DCC: variants seen among roughly 807,000 people sequenced by gnomAD.
The protein encoded by DCC is netrin receptor DCC.
DCC carries 58 observed loss-of-function variants against 172.5 expected under a neutral mutation model. The observed-to-expected ratio is 0.34, with a 90% confidence interval of 0.27 to 0.42. The LOEUF (loss-of-function observed/expected upper bound fraction) is 0.42, where lower values mean the gene tolerates loss of function less well. Among genes scored for constraint, DCC ranks in the 10% least tolerant of loss-of-function variants. The probability of loss-of-function intolerance (pLI) is 1.00; values close to 1 mark genes in which losing one functional copy is unlikely to be tolerated. For synonymous variants in DCC, 709 were observed against 644.5 expected (o/e 1.10, Z -1.52); for missense variants, 1,740 against 1,791.0 (o/e 0.97, Z 0.51).
intron 2 of DCC, among the ~76,000 whole-genome samples, chr18:52,811,431 G>A (rs2038196680): frequency 6.6e-6 from 1 of 152,128 alleles, no homozygotes; most frequent in South Asian, 2.1e-4. Flanking sequence ...ATGCTCAATA[G>A]CATTCGCTTG....
intron 25 of DCC, among the ~76,000 whole-genome samples, chr18:53,473,334 A>G (rs146255961): frequency 1.3e-5 from 2 of 152,310 alleles, no homozygotes; most frequent in Admixed American, 6.5e-5. Context: ...ACCTAGCACA[A>G]AATTGGTGCT....
intron 1 of DCC, among the ~76,000 whole-genome samples, chr18:52,605,334 A>G (rs1357735521): frequency 6.6e-6 from 1 of 152,128 alleles, no homozygotes; most frequent in East Asian, 1.9e-4. Context: ...TTACTGTTAT[A>G]TGACATTCCT....
chr18:53,131,078 A>G (rs1416134434), intron 7 of DCC, among the ~76,000 whole-genome samples: 1 of 152,150 alleles, frequency 6.6e-6, no homozygotes, highest in Non-Finnish European at 1.5e-5. Flanking sequence ...AGAAAATAAC[A>G]CAAAGGAACT....
chr18:52,435,019 A>G (rs762432348), intron 1 of DCC, among the ~76,000 whole-genome samples: 11 of 152,140 alleles, frequency 7.2e-5, no homozygotes, highest in Admixed American at 2.6e-4. Flanking sequence ...GTTATCTCAT[A>G]GTTTTCTATT....
chr18:52,436,413 C>T (rs775201905), intron 1 of DCC, among the ~76,000 whole-genome samples: 2 of 152,194 alleles, frequency 1.3e-5, no homozygotes, highest in East Asian at 1.9e-4. Flanking sequence ...CTACATGACG[C>T]TCTCCATTCT....
At chr18:52,637,704 T>G (rs1431617597) in intron 1 of DCC, among the ~76,000 whole-genome samples, 1 of 152,172 alleles carries the variant, frequency 6.6e-6, no homozygotes, top group African/African-American at 2.4e-5. Context: ...TCTGTGTTCC[T>G]GAGGAAGAAG....
chr18:52,371,367 G>A (rs1209915275), intron 1 of DCC, among the ~76,000 whole-genome samples: 1 of 152,084 alleles, frequency 6.6e-6, no homozygotes, highest in East Asian at 1.9e-4. Flanking sequence ...GTACTAAATT[G>A]GACAATTTTT....
intron 7 of DCC, among the ~76,000 whole-genome samples, chr18:53,069,811 C>G (rs1287802920): frequency 1.3e-5 from 2 of 148,874 alleles, no homozygotes; most frequent in Non-Finnish European, 3.0e-5. Flanking sequence ...TCCTACTGCC[C>G]CCTTCCCTAT....
chr18:53,318,549 G>T (rs759561818), intron 13 of DCC, among the ~76,000 whole-genome samples: 1 of 152,090 alleles, frequency 6.6e-6, no homozygotes, highest in Non-Finnish European at 1.5e-5. Context: ...TTAATTTTCT[G>T]TCTCATTGAT....
At position 53,156,809 on chromosome 18, in the gene DCC, C is replaced by T. The variant is rs146041696; in HGVS notation, c.1262-547C>T. On this transcript the variant is annotated intron_variant, in intron 7 of 28. Transcript: ENST00000442544. The stretch of plus-strand genomic sequence containing the variant: ...CCGTCTTTTACTTCGAATATAGATA[C>T]ATGTGTTCATTCGTTTATTCATTTA... Among the ~76,000 whole-genome samples the T allele has an allele frequency of 4.7e-4, 72 of 152,306 alleles. No homozygotes were observed. In the East Asian group the frequency reaches 0.012, roughly 26 times the overall value.
chr18:53,230,462 T>C (rs2056104189), intron 12 of DCC, among the ~76,000 whole-genome samples: 1 of 152,052 alleles, frequency 6.6e-6, no homozygotes. Flanking sequence ...TTTTAAATAA[T>C]AATGTGTATA....
At chr18:53,368,026 C>T (rs1479197351) in intron 15 of DCC, among the ~76,000 whole-genome samples, 1 of 152,072 alleles carries the variant, frequency 6.6e-6, no homozygotes, top group Non-Finnish European at 1.5e-5. Context: ...AGCAGTTGTA[C>T]TATTTTACAT....
At position 52,417,701 on chromosome 18, in the gene DCC, G is replaced by A. The variant is rs926616211; in HGVS notation, c.91+76823G>A. 2.6e-5 allele frequency among the ~76,000 whole-genome samples: 4 copies of A among 151,978 alleles called. No homozygotes were observed. In the South Asian group the frequency reaches 8.3e-4, roughly 31 times the overall value. On this transcript the variant is annotated intron_variant, in intron 1 of 28. Coordinates refer to ENST00000442544, the MANE Select transcript of DCC (RefSeq NM_005215.4). ...CTTCTGCATTCTTCAGGTAGTTCTC[G>A]AGCCTTGGCTTTCAGCTCCATCAGC...
At chr18:52,689,612 G>A (rs1044818567) in intron 1 of DCC, among the ~76,000 whole-genome samples, 17 of 152,092 alleles carry the variant, frequency 1.1e-4, no homozygotes, top group African/African-American at 4.1e-4. Context: ...ATAAATACAG[G>A]GTAGCTCCTC....
chr18:52,819,113 A>AG (rs1405155405), intron 2 of DCC, among the ~76,000 whole-genome samples: 3 of 152,158 alleles, frequency 2.0e-5, no homozygotes, highest in African/African-American at 7.2e-5. Context: ...TTTTGCATGT[A>AG]GGTAACCCCT....
chr18:53,033,109 G>T (rs1370042457), intron 5 of DCC, among the ~76,000 whole-genome samples: 1 of 152,082 alleles, frequency 6.6e-6, no homozygotes, highest in East Asian at 1.9e-4. Flanking sequence ...AGTCAAAAGG[G>T]AATACAATGA....
At chr18:53,054,675 A>G (rs1599075479) in intron 5 of DCC, among the ~76,000 whole-genome samples, 1 of 152,096 alleles carries the variant, frequency 6.6e-6, no homozygotes, top group East Asian at 1.9e-4. Flanking sequence ...AGGAAGGGCA[A>G]TGGGATTATT....
chr18:52,586,950 C>T (rs760768388), intron 1 of DCC, among the ~76,000 whole-genome samples: 8 of 152,132 alleles, frequency 5.3e-5, no homozygotes, highest in Admixed American at 2.0e-4. Flanking sequence ...AAGTGAGTGC[C>T]TTGGTCAGAG....
At chr18:52,792,198 G>A (rs538354317) in intron 2 of DCC, among the ~76,000 whole-genome samples, 3 of 152,182 alleles carry the variant, frequency 2.0e-5, no homozygotes, top group South Asian at 2.1e-4. Flanking sequence ...TGGGGGGTGC[G>A]AGGGTGGGGG....
Sources: allele counts gnomAD v4.1 joint callset (sites outside exome capture counted in the v4.1 genomes callset), GRCh38; gene constraint gnomAD v4.1.1; transcripts MANE v1.5; gene names NCBI Gene and HGNC (gene_info 2026-07-23, HGNC 2026-07-21).